SYNPO2: variants seen among roughly 807,000 people sequenced by gnomAD.
SYNPO2 encodes the protein synaptopodin-2.
Under a neutral mutation model 85.0 loss-of-function variants are expected in SYNPO2, and 56 were observed. The observed-to-expected ratio is 0.66, with a 90% CI of 0.53 to 0.82. The LOEUF is 0.82. SYNPO2 is among the 40% of genes least tolerant of loss of function. SYNPO2 has a pLI of 0.00. For missense variants in SYNPO2, 1,575 were observed against 1,534.2 expected, an observed-to-expected ratio of 1.03 and a Z score of -0.44; for synonymous variants, 602 against 591.1, an observed-to-expected ratio of 1.02 and a Z score of -0.27.
chr4:118,889,523 C>T (rs1261027389), intron 1 of SYNPO2, among the ~76,000 whole-genome samples: 1 of 152,104 alleles, frequency 6.6e-6, no homozygotes, highest in East Asian at 1.9e-4. Context: ...GAGAAACGCT[C>T]AGTTCAGCAT....
intron 1 of SYNPO2, among the ~76,000 whole-genome samples, chr4:118,987,024 T>C (rs1240273197): frequency 6.6e-6 from 1 of 152,224 alleles, no homozygotes; most frequent in Non-Finnish European, 1.5e-5. Context: ...TGCTGAATTA[T>C]GCTAAGTCAA....
At position 119,059,173 on chromosome 4, in the gene SYNPO2, A is replaced by G. The variant is rs1739323021; in HGVS notation, c.*1239A>G. ...CACTACATGTATCATTAAAGGTCCT[A>G]AAAGGAATTGTTAGGCGGCAGGCTT... On this transcript the variant is annotated 3_prime_UTR_variant, in exon 5 of 5. Transcript: ENST00000307142. 6.6e-6 allele frequency: 1 copy of G among 152,218 alleles called. No individual in the cohort carries two copies. Among genetic ancestry groups the G allele is most frequent in the East Asian group, 1.9e-4 (1 of 5,200 alleles). 9.4% of individuals were successfully genotyped at this position (152,218 alleles called of 1,614,324 possible).
chr4:119,010,612 T>C (rs1737258248), intron 1 of SYNPO2, among the ~76,000 whole-genome samples: 1 of 152,208 alleles, frequency 6.6e-6, no homozygotes, highest in Non-Finnish European at 1.5e-5. Flanking sequence ...TGAGAAGCCT[T>C]GCCTGCTATG....
chr4:119,023,136 A>G (rs903544534), intron 1 of SYNPO2, among the ~76,000 whole-genome samples: 3 of 152,096 alleles, frequency 2.0e-5, no homozygotes, highest in Admixed American at 2.0e-4. Context: ...ACTCTTCTCT[A>G]TTTTTTATTT....
chr4:118,901,931 A>C lies in SYNPO2; in HGVS notation c.105+12790A>C, dbSNP rs555201471. ...TTGTAGATGAAAATAAATGTAGATA[A>C]GAATCCAGTGGGCTTGTTAGATAGT... is the stretch of plus-strand genomic sequence containing the variant. On this transcript the variant is annotated intron_variant, in intron 1 of 4. Transcript: ENST00000307142. Among the ~76,000 whole-genome samples the C allele has an allele frequency of 6.6e-5, 10 of 152,324 alleles. No homozygotes were observed. The East Asian group carries it at 1.9e-3, about 29-fold the overall frequency.
chr4:118,865,301 G>T (rs1272566806), intron 1 of SYNPO2, among the ~76,000 whole-genome samples: 3 of 152,318 alleles, frequency 2.0e-5, no homozygotes, highest in Admixed American at 2.0e-4. Context: ...CAGTCTCTCT[G>T]TCTAGTGCCA....
rs1465449625 is a variant in SYNPO2 at position 119,032,109 on chromosome 4, T to G, written c.3252+82T>G. ...TTTGCTTGAAATGAATTGTTTGCAG[T>G]GTTTCTTGAGTCCCTGAGAATGCCT... On this transcript the variant is annotated intron_variant, in intron 4 of 4. Coordinates refer to ENST00000307142, the MANE Select transcript of SYNPO2 (RefSeq NM_133477.3). The G allele has an allele frequency of 4.5e-6, 7 of 1,549,174 alleles. No homozygotes were observed. The African/African-American group carries it at 6.8e-5, about 15-fold the overall frequency.
At chr4:118,851,788 C>A (rs1398868604) in intron 1 of SYNPO2, among the ~76,000 whole-genome samples, 1 of 152,014 alleles carries the variant, frequency 6.6e-6, no homozygotes, top group Non-Finnish European at 1.5e-5. Context: ...ATCATAACCA[C>A]CTCTATATTC....
At chr4:118,972,360 C>G (rs547864510) in intron 1 of SYNPO2, among the ~76,000 whole-genome samples, 2 of 151,972 alleles carry the variant, frequency 1.3e-5, no homozygotes, top group Non-Finnish European at 2.9e-5. Context: ...GGAAGGATGG[C>G]TTCAGTCCAG....
intron 1 of SYNPO2, among the ~76,000 whole-genome samples, chr4:118,919,842 C>T (rs1369439082): frequency 2.6e-5 from 4 of 152,186 alleles, no homozygotes; most frequent in Non-Finnish European, 5.9e-5. Flanking sequence ...GCTCACTATG[C>T]AGCAAACAAG....
intron 1 of SYNPO2, among the ~76,000 whole-genome samples, chr4:118,865,937 A>C (rs887274839): frequency 1.3e-5 from 2 of 152,208 alleles, no homozygotes; most frequent in African/African-American, 4.8e-5. Flanking sequence ...CTGAGAATGA[A>C]TGTGGCTGGT....
At chr4:119,035,741 G>A in intron 4 of SYNPO2, 1 of 983,404 alleles carries the variant, frequency 1.0e-6, no homozygotes, top group Non-Finnish European at 1.2e-6. Context: ...CTTTCAAGAA[G>A]CAGGCATTGT....
Position 119,059,019 on chromosome 4 carries a change from T to C in SYNPO2, c.*1085T>C, listed in dbSNP as rs1175512946. On this transcript the variant is annotated 3_prime_UTR_variant, in exon 5 of 5. Coordinates refer to ENST00000307142, the MANE Select transcript of SYNPO2 (RefSeq NM_133477.3). The stretch of plus-strand genomic sequence containing the variant: ...GAGAAGATTGGATTATCTAATCTTT[T>C]AGATCCTTAACAACTCTGATATTCT... 2.0e-5 allele frequency: 3 copies of C among 152,208 alleles called. No individual in the cohort carries two copies. The highest frequency in any genetic ancestry group is 3.8e-4 in the East Asian group (2 of 5,196). The allele number at this position is 152,208 out of a possible 1,614,324, so 9.4% of individuals were successfully genotyped here. A position where few individuals can be genotyped will look rare whatever the true frequency, so the allele number is the denominator to read the frequency against.
At chr4:118,872,848 A>G (rs923819182) in intron 1 of SYNPO2, among the ~76,000 whole-genome samples, 1 of 150,432 alleles carries the variant, frequency 6.6e-6, no homozygotes, top group Non-Finnish European at 1.5e-5. Flanking sequence ...TTGAGTCTCC[A>G]TTATCTATCA....
chr4:119,024,193 A>C (rs1267471397), intron 2 of SYNPO2, among the ~76,000 whole-genome samples: 1 of 151,268 alleles, frequency 6.6e-6, no homozygotes, highest in Non-Finnish European at 1.5e-5. Context: ...ACAATATAAA[A>C]GAAACCTTTA....
At chr4:118,913,958 G>A (rs965682203) in intron 1 of SYNPO2, among the ~76,000 whole-genome samples, 1 of 152,168 alleles carries the variant, frequency 6.6e-6, no homozygotes, top group African/African-American at 2.4e-5. Context: ...GGATCAAAGG[G>A]TGGAGCTTGG....
chr4:118,977,240 G>A (rs905735534), intron 1 of SYNPO2, among the ~76,000 whole-genome samples: 7 of 152,230 alleles, frequency 4.6e-5, no homozygotes, highest in Admixed American at 1.3e-4. Flanking sequence ...CGCAGCGCCG[G>A]TGGGCCAGCA....
intron 1 of SYNPO2, among the ~76,000 whole-genome samples, chr4:118,861,106 C>T (rs1731602017): frequency 6.6e-6 from 1 of 152,140 alleles, no homozygotes; most frequent in Non-Finnish European, 1.5e-5. Context: ...AATCTTTGCC[C>T]ACTCCAATGT....
intron 1 of SYNPO2, among the ~76,000 whole-genome samples, chr4:118,968,787 G>A (rs149904520): frequency 1.3e-5 from 2 of 152,266 alleles, no homozygotes; most frequent in East Asian, 3.9e-4. Context: ...CCTTGTGGAG[G>A]CCTCTCTTTT....
Sources: allele counts gnomAD v4.1 joint callset (sites outside exome capture counted in the v4.1 genomes callset), GRCh38; gene constraint gnomAD v4.1.1; transcripts MANE v1.5; gene names NCBI Gene and HGNC (gene_info 2026-07-23, HGNC 2026-07-21).